Variants in PRKN observed in about 807,000 individuals in gnomAD.
The protein encoded by PRKN is E3 ubiquitin-protein ligase parkin.
In PRKN, 56 loss-of-function variants were observed where a neutral mutation model predicts 59.5. The ratio of observed to expected loss-of-function variants is 0.94; its 90% CI spans 0.76 to 1.18. PRKN has a LOEUF of 1.18. Among genes scored for constraint, PRKN ranks in the 50% most tolerant of loss-of-function variants. PRKN has a pLI of 0.00. For missense variants in PRKN, 657 were observed against 596.4 expected (o/e 1.10, Z -1.06); for synonymous variants, 250 against 222.1 (o/e 1.13, Z -1.12).
intron 1 of PRKN, among the ~76,000 whole-genome samples, chr6:162,529,862 G>T (rs1778438692): frequency 6.6e-6 from 1 of 152,166 alleles, no homozygotes; most frequent in African/African-American, 2.4e-5. Context: ...GGGCGTGGTG[G>T]CTCATGCCTG....
rs1467290075 is a variant in PRKN, at chr6:162,377,666, C to A, written c.171+65644G>T. Among the ~76,000 whole-genome samples the A allele has an allele frequency of 2.6e-5, 4 of 152,140 alleles. No individual in the cohort carries two copies. In the East Asian group the frequency reaches 7.7e-4, roughly 29 times the overall value. ...TGCCATGGCCATGGAAAGACTGAACCATCACAGAAGGGGCTGCCAGCACTG... is the reference window on the plus strand; with the variant it reads ...TGCCATGGCCATGGAAAGACTGAACAATCACAGAAGGGGCTGCCAGCACTG... On this transcript the variant is annotated intron_variant, in intron 2 of 11. Transcript: ENST00000366898.
intron 1 of PRKN, among the ~76,000 whole-genome samples, chr6:162,622,478 C>T (rs544026269): frequency 7.9e-4 from 120 of 152,244 alleles, no homozygotes; most frequent in African/African-American, 2.7e-3. Flanking sequence ...GCCACCGTGC[C>T]TGGCCTTCCT....
intron 6 of PRKN, among the ~76,000 whole-genome samples, chr6:161,805,452 G>GCA (rs1554310490): frequency 4.8e-3 from 186 of 39,124 alleles, no homozygotes; most frequent in South Asian, 0.033. Flanking sequence ...GTACACACAT[G>GCA]CACACACACA....
chr6:161,529,699 A>T lies in PRKN; in HGVS notation c.1083+19155T>A, dbSNP rs771441348. 5.3e-5 allele frequency among the ~76,000 whole-genome samples: 8 copies of T among 152,242 alleles called. No individual in the cohort carries two copies. Among genetic ancestry groups the T allele is most frequent in the Non-Finnish European group, 1.2e-4 (8 of 68,048 alleles). On this transcript the variant is annotated intron_variant, in intron 9 of 11. Coordinates refer to ENST00000366898, the MANE Select transcript of PRKN (RefSeq NM_004562.3). This position sits in a 1 kb window ranked among gnomAD's most constrained non-coding sequence, Gnocchi z 4.4. ...CATATAAGTTGTCTTCTGCAAAATAAGACACAAAAATAGTTTTGAAATCAA... is the reference window on the plus strand; with the variant it reads ...CATATAAGTTGTCTTCTGCAAAATATGACACAAAAATAGTTTTGAAATCAA...
At chr6:161,655,391 G>C (rs115987320) in intron 7 of PRKN, among the ~76,000 whole-genome samples, 14,319 of 148,172 alleles carry the variant, frequency 0.097, 713 homozygotes, top group South Asian at 0.14. Context: ...AAGGTACCCA[G>C]TTACAGAGGC....
intron 4 of PRKN, among the ~76,000 whole-genome samples, chr6:162,093,263 C>T (rs1779584844): frequency 6.6e-6 from 1 of 152,142 alleles, no homozygotes; most frequent in African/African-American, 2.4e-5. Context: ...TACTGTGAAA[C>T]AGACTAGGAA....
intron 1 of PRKN, among the ~76,000 whole-genome samples, chr6:162,675,040 ATT>A (rs1779483093): frequency 6.6e-6 from 1 of 150,950 alleles, no homozygotes; most frequent in African/African-American, 2.4e-5. Flanking sequence ...TTATTTATTT[ATT>A]TATTTATTTA....
At chr6:161,381,697 G>A (rs1486684284) in intron 10 of PRKN, among the ~76,000 whole-genome samples, 1 of 152,144 alleles carries the variant, frequency 6.6e-6, no homozygotes, top group Non-Finnish European at 1.5e-5. Context: ...TGGTAGGGAG[G>A]GAGGTGTGTG....
chr6:161,367,122 C>G (rs987150807), intron 10 of PRKN, among the ~76,000 whole-genome samples: 1 of 151,198 alleles, frequency 6.6e-6, no homozygotes, highest in Non-Finnish European at 1.5e-5. Flanking sequence ...TCCCGAGTAG[C>G]TGGGACTACA....
rs1370842699 is a variant in PRKN at position 162,092,254 on chromosome 6, C to T, written c.535-38080G>A. Among the ~76,000 whole-genome samples the T allele has an allele frequency of 2.6e-5, 4 of 152,212 alleles. No homozygotes were observed. In the East Asian group the frequency reaches 5.8e-4, roughly 22 times the overall value. ...CCTATAGTCCCAGCTACTCGGGAGG[C>T]TGAGGCAGGAGAATCACTGAACCTG... On this transcript the variant is annotated intron_variant, in intron 4 of 11. Coordinates refer to ENST00000366898, the MANE Select transcript of PRKN (RefSeq NM_004562.3).
intron 2 of PRKN, among the ~76,000 whole-genome samples, chr6:162,364,115 C>A (rs952339226): frequency 2.6e-5 from 4 of 152,136 alleles, no homozygotes; most frequent in Non-Finnish European, 5.9e-5. Context: ...GTAGCAGGCT[C>A]ACTGATTTGT....
At chr6:161,650,384 A>C (rs1160720034) in intron 7 of PRKN, among the ~76,000 whole-genome samples, 2 of 152,160 alleles carry the variant, frequency 1.3e-5, no homozygotes, top group Non-Finnish European at 2.9e-5. Context: ...TTAGTGCCTA[A>C]ATGTCTTAGC....
At chr6:162,511,964 C>A (rs775548894) in intron 1 of PRKN, among the ~76,000 whole-genome samples, 9 of 152,018 alleles carry the variant, frequency 5.9e-5, no homozygotes, top group Non-Finnish European at 1.2e-4. Context: ...GAGTTGTATA[C>A]AATGGAGAGT....
chr6:162,644,760 T>A (rs1353110989), intron 1 of PRKN, among the ~76,000 whole-genome samples: 1 of 152,176 alleles, frequency 6.6e-6, no homozygotes, highest in African/African-American at 2.4e-5. Context: ...ATGTGTGTAT[T>A]TAAAAATCTG....
In PRKN at chr6:161,471,640, G is replaced by A. The variant is rs1056971526; in HGVS notation, c.1083+77214C>T. 3.9e-5 allele frequency among the ~76,000 whole-genome samples: 6 copies of A among 152,194 alleles called. No individual in the cohort carries two copies. Among genetic ancestry groups the A allele is most frequent in the Non-Finnish European group, 8.8e-5 (6 of 67,990 alleles). On this transcript the variant is annotated intron_variant, in intron 9 of 11. Coordinates refer to ENST00000366898, the MANE Select transcript of PRKN (RefSeq NM_004562.3). The surrounding 1 kb of genome is among the most constrained non-coding windows in gnomAD (Gnocchi z 4.5). ...GATGGTCTATCGGAAACAGAATCAG[G>A]ATTCAAAAACATCCCCCCACCGTCT...
chr6:162,671,973 G>A (rs996799317), intron 1 of PRKN, among the ~76,000 whole-genome samples: 2 of 152,012 alleles, frequency 1.3e-5, no homozygotes, highest in Admixed American at 6.6e-5. Flanking sequence ...GAGGTGCTGC[G>A]GGGAGGATGG....
intron 6 of PRKN, among the ~76,000 whole-genome samples, chr6:161,959,875 C>T (rs1292535127): frequency 6.6e-6 from 1 of 152,154 alleles, no homozygotes; most frequent in African/African-American, 2.4e-5. Flanking sequence ...ATTAAAGTCA[C>T]AGTGATTGAT....
At chr6:161,898,860 G>A (rs779985566) in intron 6 of PRKN, among the ~76,000 whole-genome samples, 39 of 152,312 alleles carry the variant, frequency 2.6e-4, no homozygotes, top group South Asian at 4.1e-4. Context: ...TGGCTTCTTC[G>A]TAATTTGCAG....
chr6:161,974,612 C>A (rs968368474), intron 5 of PRKN, among the ~76,000 whole-genome samples: 6 of 152,112 alleles, frequency 3.9e-5, no homozygotes, highest in African/African-American at 1.4e-4. Context: ...TACTTCTTGT[C>A]CCACAGTCTG....
Sources: allele counts gnomAD v4.1 joint callset (sites outside exome capture counted in the v4.1 genomes callset), GRCh38; gene constraint gnomAD v4.1.1; non-coding constraint Gnocchi (gnomAD v3.1); transcripts MANE v1.5; gene names NCBI Gene and HGNC (gene_info 2026-07-23, HGNC 2026-07-21).